Variants in LTBP2 observed in about 807,000 individuals in gnomAD.
LTBP2 encodes the protein latent transforming growth factor beta binding protein 2.
A neutral mutation model predicts 210.6 loss-of-function variants in LTBP2; 103 were observed. The ratio of observed to expected loss-of-function variants is 0.49; its 90% CI spans 0.42 to 0.58. LTBP2 has a LOEUF of 0.58. LTBP2 is among the 20% of genes least tolerant of loss of function. The pLI is 0.00. For synonymous variants in LTBP2, 1,007 were observed against 1,015.0 expected, an observed-to-expected ratio of 0.99 and a Z score of 0.15; for missense variants, 2,313 against 2,494.5, an observed-to-expected ratio of 0.93 and a Z score of 1.55.
intron 3 of LTBP2, among the ~76,000 whole-genome samples, chr14:74,557,954 C>G (rs73297914): frequency 1.0e-3 from 153 of 152,310 alleles, no homozygotes; most frequent in African/African-American, 3.6e-3. Context: ...TCCCTTCCCC[C>G]AGTAGGTCCC....
chr14:74,518,800 G>A (rs990412597), intron 17 of LTBP2, among the ~76,000 whole-genome samples: 5 of 152,220 alleles, frequency 3.3e-5, no homozygotes, highest in African/African-American at 4.8e-5. Flanking sequence ...GTACTGGTGG[G>A]CCCAGGAACC....
At chr14:74,542,800 C>T (rs2087525819) in intron 8 of LTBP2, among the ~76,000 whole-genome samples, 1 of 146,248 alleles carries the variant, frequency 6.8e-6, no homozygotes, top group African/African-American at 2.6e-5. Context: ...TGGAGTCTAG[C>T]TCTGTCACCA....
chr14:74,503,826 G>T, intron 31 of LTBP2, 100 bp downstream of exon 31: 1 of 1,539,092 alleles, frequency 6.5e-7, no homozygotes, highest in East Asian at 2.3e-5. Flanking sequence ...TCCCTAGGAA[G>T]GGGGACTCTC....
chr14:74,528,607 TTCC>T lies in LTBP2; in HGVS notation c.2241_2243del (p.Glu748del). ...CTTGCTCCCTTGGGGGCCTTGCCAG[TTCC>T]TCCTCCTCGGCTTTCCTCATGGACA... On this transcript the variant is annotated inframe_deletion, in exon 12 of 36. Transcript: ENST00000261978. 3.7e-6 allele frequency: 6 copies of T among 1,613,612 alleles called. No homozygotes were observed. Among genetic ancestry groups the T allele is most frequent in the Non-Finnish European group, 5.1e-6 (6 of 1,180,030 alleles).
At chr14:74,609,387 C>T (rs886158117) in intron 1 of LTBP2, among the ~76,000 whole-genome samples, 5 of 152,158 alleles carry the variant, frequency 3.3e-5, no homozygotes, top group African/African-American at 9.7e-5. Flanking sequence ...AGTGACAATT[C>T]GCTTTATTTC....
At chr14:74,589,903 C>T (rs533601969) in intron 2 of LTBP2, among the ~76,000 whole-genome samples, 1 of 152,260 alleles carries the variant, frequency 6.6e-6, no homozygotes, top group Admixed American at 6.5e-5. Flanking sequence ...ATGCAGCTTC[C>T]ACCTCTGAGT....
chr14:74,603,300 T>C (rs2088474796), intron 2 of LTBP2, among the ~76,000 whole-genome samples: 1 of 152,110 alleles, frequency 6.6e-6, no homozygotes, highest in Non-Finnish European at 1.5e-5. Context: ...GCTAATTTTG[T>C]GTTTTTAGAA....
intron 3 of LTBP2, among the ~76,000 whole-genome samples, chr14:74,568,159 G>A (rs2087928305): frequency 6.6e-6 from 1 of 152,192 alleles, no homozygotes; most frequent in African/African-American, 2.4e-5. Flanking sequence ...CGTGGTCCCG[G>A]TGCTGGGTGA....
chr14:74,551,570 C>T (rs1315826733), intron 6 of LTBP2, among the ~76,000 whole-genome samples: 1 of 152,230 alleles, frequency 6.6e-6, no homozygotes. Context: ...GCCTCATTAT[C>T]ACATTCCAAG....
chr14:74,588,979 A>G (rs1036612488), intron 2 of LTBP2, among the ~76,000 whole-genome samples: 1 of 152,124 alleles, frequency 6.6e-6, no homozygotes. Context: ...CTTGGCCCAG[A>G]GCTGATAAGG....
At position 74,527,366 on chromosome 14, in the gene LTBP2, C is replaced by T; in HGVS notation, c.2369G>A (p.Gly790Asp). 6.2e-7 allele frequency: 1 copy of T among 1,611,284 alleles called. No individual in the cohort carries two copies. The highest frequency in any genetic ancestry group is 8.5e-7 in the Non-Finnish European group (1 of 1,179,008). Reference protein sequence around the residue: ...WLEAGTIPDKGDSQAGQVTTS... With the variant: ...WLEAGTIPDKDDSQAGQVTTS... ...ACTCACCTGGCCAGCCTGAGAGTCACCTGGAAGGGAAAGGTAACAGCGTGA... is the reference window on the plus strand; with the variant it reads ...ACTCACCTGGCCAGCCTGAGAGTCATCTGGAAGGGAAAGGTAACAGCGTGA... Residue 790 changes from glycine (G) to aspartate (D), a missense_variant and splice_region_variant, in exon 13 of 36, where the codon GGT (glycine) becomes GAT (aspartate). Around this residue, in one of 3 missense-constraint regions of LTBP2, gnomAD observed 1,867 missense variants for 1,976.9 expected, o/e 0.94. Coordinates refer to ENST00000261978, the MANE Select transcript of LTBP2 (RefSeq NM_000428.3).
At chr14:74,578,994 T>G (rs559313691) in intron 3 of LTBP2, among the ~76,000 whole-genome samples, 14 of 152,372 alleles carry the variant, frequency 9.2e-5, no homozygotes, top group African/African-American at 3.1e-4. Flanking sequence ...TAGCTGGGAT[T>G]ACAGGCGCCT....
At position 74,498,723 on chromosome 14, in the gene LTBP2, C is replaced by T. The variant is rs909631566; in HGVS notation, c.*2161G>A. 3 of 232,064 alleles carry T rather than the reference C, an allele frequency of 1.3e-5. No individual in the cohort carries two copies. Among genetic ancestry groups the T allele is most frequent in the Non-Finnish European group, 2.6e-5 (3 of 117,420 alleles). 14.4% of individuals were successfully genotyped at this position (232,064 alleles called of 1,614,324 possible). ...TATATTTGGGGGATGGTAAGTTCTC[C>T]GATGGTGAGGTATAAGGCGGAGTGG... On this transcript the variant is annotated 3_prime_UTR_variant, in exon 36 of 36. Coordinates refer to ENST00000261978, the MANE Select transcript of LTBP2 (RefSeq NM_000428.3).
chr14:74,527,271 C>G, intron 13 of LTBP2, 76 bp downstream of exon 13: 1 of 1,542,724 alleles, frequency 6.5e-7, no homozygotes, highest in South Asian at 1.2e-5. Flanking sequence ...TGAGACACTG[C>G]CCTGGGGCCT....
rs2302114 is a variant in LTBP2 at position 74,517,138 on chromosome 14, C to T, written c.2789-197G>A. On this transcript the variant is annotated intron_variant, in intron 17 of 35. Transcript: ENST00000261978. ...AGGTCTGAAATGATCTAGCTCAGGCCCCTGATAAACCTGAGTTCCTTTCTC... is the reference window on the plus strand; with the variant it reads ...AGGTCTGAAATGATCTAGCTCAGGCTCCTGATAAACCTGAGTTCCTTTCTC... 0.35 allele frequency among the ~76,000 whole-genome samples: 53,650 copies of T among 151,966 alleles called. 10,444 individuals are homozygous for T. The highest frequency in any genetic ancestry group is 0.44 in the Non-Finnish European group (29,854 of 67,902).
intron 15 of LTBP2, among the ~76,000 whole-genome samples, chr14:74,523,577 G>A (rs767388642): frequency 5.9e-5 from 9 of 152,122 alleles, no homozygotes; most frequent in Non-Finnish European, 1.2e-4. Context: ...GGTGAGAAGT[G>A]GGGAGACAGG....
chr14:74,581,897 C>A (rs1262297216), intron 3 of LTBP2, among the ~76,000 whole-genome samples: 1 of 152,138 alleles, frequency 6.6e-6, no homozygotes, highest in Non-Finnish European at 1.5e-5. Flanking sequence ...GAGCAGCCTG[C>A]TGGAAGCCAC....
At chr14:74,530,547 T>G (rs989723342) in intron 10 of LTBP2, among the ~76,000 whole-genome samples, 17 of 152,206 alleles carry the variant, frequency 1.1e-4, no homozygotes, top group Admixed American at 1.0e-3. Flanking sequence ...AGAAGAGTCT[T>G]GTCTATTGCC....
intron 24 of LTBP2, 111 bp from the exon 25 acceptor site, chr14:74,508,206 T>G: frequency 7.2e-7 from 1 of 1,380,028 alleles, no homozygotes; most frequent in Non-Finnish European, 1.0e-6. Flanking sequence ...AGGGAGTGGC[T>G]TATGTAGGAA....
Sources: gnomAD v4.1 joint callset for allele counts (sites outside exome capture counted in the v4.1 genomes callset) on GRCh38, gnomAD v4.1.1 for gene constraint, gnomAD v4.1.1 regional missense constraint, MANE v1.5 for transcripts, NCBI Gene and HGNC (gene_info 2026-07-23, HGNC 2026-07-21) for gene names.